The following CEP135 variants were observed in gnomAD, a reference collection of about 807,000 sequenced individuals.
The protein encoded by CEP135 is centrosomal protein 135.
In CEP135, 142 loss-of-function variants were observed where a neutral mutation model predicts 157.3. That is an observed-to-expected ratio of 0.90 (90% CI 0.79 to 1.04). The LOEUF (loss-of-function observed/expected upper bound fraction) is 1.04, where lower values mean the gene tolerates loss of function less well. CEP135 is among the 50% of genes least tolerant of loss of function. CEP135 has a pLI of 0.00. For synonymous variants in CEP135, 396 were observed against 439.8 expected, an observed-to-expected ratio of 0.90 and a Z score of 1.25; for missense variants, 1,317 against 1,309.2, an observed-to-expected ratio of 1.01 and a Z score of -0.09.
intron 22 of CEP135, 41 bp downstream of exon 22, chr4:56,017,898 C>A: frequency 1.3e-6 from 2 of 1,524,180 alleles, no homozygotes; most frequent in Non-Finnish European, 1.8e-6. Flanking sequence ...TTTTATTGAG[C>A]CCTACTCTAA....
intron 15 of CEP135, among the ~76,000 whole-genome samples, chr4:55,997,198 C>G (rs562761886): frequency 6.6e-6 from 1 of 152,308 alleles, no homozygotes; most frequent in East Asian, 1.9e-4. Flanking sequence ...TCAACTGTTT[C>G]GTTGAGAGGA....
rs73155549 is a variant in CEP135, at chr4:55,952,134, A to G, written c.4A>G (p.Thr2Ala). Residue 2 changes from threonine (T) to alanine (A), a missense_variant, in exon 2 of 26, where the codon ACT becomes GCT. Thr to Ala is a moderately conservative substitution (Grantham distance 58). Coordinates refer to ENST00000257287, the MANE Select transcript of CEP135 (RefSeq NM_025009.5). M[T>A]TAVERKYINI... ...AAAACTTGTTTTAGAAGACGAGATG[A>G]CTACAGCTGTAGAGAGAAAGTATAT... is the stretch of plus-strand genomic sequence containing the variant. The G allele has an allele frequency of 5.8e-5, 92 of 1,574,834 alleles. No homozygotes were observed. The African/African-American group carries it at 1.2e-3, about 20-fold the overall frequency.
At chr4:55,951,476 G>A (rs1728360796) in intron 1 of CEP135, among the ~76,000 whole-genome samples, 1 of 152,148 alleles carries the variant, frequency 6.6e-6, no homozygotes, top group African/African-American at 2.4e-5. Context: ...GTATTTCCAT[G>A]TTGACTACTG....
intron 17 of CEP135, among the ~76,000 whole-genome samples, chr4:56,002,689 C>A (rs1730216447): frequency 1.3e-5 from 2 of 152,028 alleles, no homozygotes; most frequent in Admixed American, 6.6e-5. Flanking sequence ...TGATATTGGC[C>A]TGTAGTTTTC....
rs144166584 is a variant in CEP135, at chr4:56,011,157, C to G, written c.2506-255C>G. Among the ~76,000 whole-genome samples the G allele has an allele frequency of 7.6e-4, 116 of 152,232 alleles. 1 individual carries two copies. The East Asian group carries it at 0.02, about 27-fold the overall frequency. On this transcript the variant is annotated intron_variant, in intron 19 of 25. Transcript: ENST00000257287. Reference sequence around the variant, plus strand: ...GGCTGAAGTGGAAGGATTGCTTGAGCCCAGAAGGTCGAGGCTGCAGTGAGC... The same window carrying G: ...GGCTGAAGTGGAAGGATTGCTTGAGGCCAGAAGGTCGAGGCTGCAGTGAGC...
At chr4:56,013,841 CT>C in intron 21 of CEP135, among the ~76,000 whole-genome samples, 1 of 152,132 alleles carries the variant, frequency 6.6e-6, no homozygotes, top group Non-Finnish European at 1.5e-5. Flanking sequence ...GAAAAAGTGT[CT>C]TTGCAGATGG....
chr4:55,954,549 C>T (rs181002046), intron 4 of CEP135, among the ~76,000 whole-genome samples, 166 bp downstream of exon 4: 10 of 152,088 alleles, frequency 6.6e-5, no homozygotes, highest in East Asian at 3.9e-4. Context: ...TCTAATGATC[C>T]GGGTAGTAAT....
intron 11 of CEP135, among the ~76,000 whole-genome samples, chr4:55,977,085 G>A (rs952539153): frequency 6.6e-6 from 1 of 152,054 alleles, no homozygotes; most frequent in Non-Finnish European, 1.5e-5. Flanking sequence ...GCCTCCCAAA[G>A]TGCTGGGATT....
intron 19 of CEP135, among the ~76,000 whole-genome samples, chr4:56,011,177 G>T (rs1482516717): frequency 6.6e-6 from 1 of 152,202 alleles, no homozygotes; most frequent in Non-Finnish European, 1.5e-5. Flanking sequence ...CGAGGCTGCA[G>T]TGAGCTGTGA....
chr4:55,973,080 T>A (rs1193203125), intron 10 of CEP135, among the ~76,000 whole-genome samples: 1 of 152,234 alleles, frequency 6.6e-6, no homozygotes, highest in African/African-American at 2.4e-5. Flanking sequence ...GGCCTATCAT[T>A]TCAGTGTAAT....
At chr4:56,018,759 C>CA (rs1331597119) in intron 22 of CEP135, among the ~76,000 whole-genome samples, 4,376 of 141,648 alleles carry the variant, frequency 0.031, 219 homozygotes, top group African/African-American at 0.1. Flanking sequence ...GACCTTGTCT[C>CA]AAAAAAAAAA....
chr4:55,959,939 C>A, intron 6 of CEP135, 173 bp downstream of exon 6: 2 of 634,596 alleles, frequency 3.2e-6, no homozygotes, highest in South Asian at 2.0e-5. Context: ...GCTTTACTTA[C>A]TTAGCCTGTC....
intron 1 of CEP135, 69 bp from the exon 2 acceptor site, chr4:55,952,017 T>G: frequency 1.9e-6 from 1 of 527,098 alleles, no homozygotes; most frequent in Non-Finnish European, 3.4e-6. Context: ...TAAAATAATT[T>G]TTTCTTCTTA....
At chr4:56,013,993 G>A (rs2109737436) in intron 21 of CEP135, among the ~76,000 whole-genome samples, 1 of 152,296 alleles carries the variant, frequency 6.6e-6, no homozygotes, top group East Asian at 1.9e-4. Flanking sequence ...AGATTAGAGT[G>A]ATATGTGTAG....
At position 55,981,207 on chromosome 4, in the gene CEP135, A is replaced by G. The variant is rs201021665; in HGVS notation, c.1627-20A>G. On this transcript the variant is annotated intron_variant, in intron 12 of 25. Transcript: ENST00000257287. ...TTTTACTAAAGTGCCTTTTTAATTT[A>G]TATCTTTTCATTCTTTAAGGCTCAG... The G allele has an allele frequency of 6.4e-7, 1 of 1,557,184 alleles. No individual in the cohort carries two copies. The highest frequency in any genetic ancestry group is 1.3e-5 in the South Asian group (1 of 79,148).
Position 55,965,643 on chromosome 4 carries a change from G to C in CEP135, c.829-1G>C. 1 of 1,599,118 alleles carries C rather than the reference G, an allele frequency of 6.3e-7. No individual in the cohort carries two copies. The highest frequency in any genetic ancestry group is 8.5e-7 in the Non-Finnish European group (1 of 1,175,414). ...CCTCATAAATTACAACTCCAATTTAGGTTGACTTTCTTCAGCAAGCTAATA... is the reference window on the plus strand; with the variant it reads ...CCTCATAAATTACAACTCCAATTTACGTTGACTTTCTTCAGCAAGCTAATA... On this transcript the variant is annotated splice_acceptor_variant, in intron 7 of 25. Transcript: ENST00000257287. LOFTEE classifies it high-confidence loss of function.
At chr4:55,953,011 C>T (rs911602675) in intron 2 of CEP135, 74 bp from the exon 3 acceptor site, 3 of 1,295,974 alleles carry the variant, frequency 2.3e-6, no homozygotes, top group African/African-American at 3.1e-5. Context: ...TTTTAAGCCT[C>T]TTTAGAAATA....
At chr4:55,990,737 A>G (rs1014529589) in intron 14 of CEP135, among the ~76,000 whole-genome samples, 1 of 152,172 alleles carries the variant, frequency 6.6e-6, no homozygotes, top group Non-Finnish European at 1.5e-5. Flanking sequence ...TCCTGGCCTC[A>G]AGCAATCCTC....
In CEP135 at chr4:55,959,681, G is replaced by C; in HGVS notation, c.615-1G>C. On this transcript the variant is annotated splice_acceptor_variant, in intron 5 of 25. Coordinates refer to ENST00000257287, the MANE Select transcript of CEP135 (RefSeq NM_025009.5). LOFTEE classifies it high-confidence loss of function. ...TGGCATTAATTTAAAGTGCTTTTCA[G>C]GATTCAAGAACTTCAACAGGAAGTC... 6.2e-7 allele frequency: 1 copy of C among 1,613,264 alleles called. No homozygotes were observed. The highest frequency in any genetic ancestry group is 8.5e-7 in the Non-Finnish European group (1 of 1,179,312).
Sources: gnomAD v4.1 joint callset for allele counts (sites outside exome capture counted in the v4.1 genomes callset) on GRCh38, gnomAD v4.1.1 for gene constraint, MANE v1.5 for transcripts, NCBI Gene and HGNC (gene_info 2026-07-23, HGNC 2026-07-21) for gene names.